The following CSMD1 variants were observed in gnomAD, a reference collection of about 807,000 sequenced individuals.
CSMD1 encodes CUB and sushi domain-containing protein 1.
CSMD1 carries 213 observed loss-of-function variants against 417.5 expected under a neutral mutation model. The observed-to-expected ratio is 0.51, with a 90% CI of 0.46 to 0.57. The LOEUF (loss-of-function observed/expected upper bound fraction) is 0.57, where lower values mean the gene tolerates loss of function less well. CSMD1 is among the 20% of genes least tolerant of loss of function. The pLI, the probability that CSMD1 is intolerant of heterozygous loss-of-function variation, is 0.00. For missense variants in CSMD1, 6,923 were observed against 4,529.7 expected (o/e 1.53, Z -15.17); for synonymous variants, 2,862 against 1,736.8 (o/e 1.65, Z -16.11).
At chr8:3,677,343 T>G (rs2117579562) in intron 7 of CSMD1, among the ~76,000 whole-genome samples, 1 of 152,272 alleles carries the variant, frequency 6.6e-6, no homozygotes, top group South Asian at 2.1e-4. Flanking sequence ...CTTTTAAAAG[T>G]AATTCTTGAA....
At chr8:4,654,708 T>C (rs1804121221) in intron 1 of CSMD1, among the ~76,000 whole-genome samples, 1 of 152,134 alleles carries the variant, frequency 6.6e-6, no homozygotes, top group Non-Finnish European at 1.5e-5. Context: ...GTGGAAGAGG[T>C]GTCTTATTTC....
chr8:4,719,538 T>G (rs1426154280), intron 1 of CSMD1, among the ~76,000 whole-genome samples: 1 of 140,332 alleles, frequency 7.1e-6, no homozygotes, highest in Non-Finnish European at 1.5e-5. Context: ...AAAAAAAATC[T>G]TCACAACAAA....
intron 5 of CSMD1, among the ~76,000 whole-genome samples, chr8:3,779,605 T>C (rs1437645005): frequency 2.0e-5 from 3 of 152,224 alleles, no homozygotes; most frequent in African/African-American, 7.2e-5. Context: ...AACCGGGTAT[T>C]TTAATAAAAT....
intron 5 of CSMD1, among the ~76,000 whole-genome samples, chr8:3,952,439 C>T (rs1449204476): frequency 5.3e-5 from 8 of 152,134 alleles, no homozygotes. Context: ...TAATTATTTT[C>T]ATAAATTAAT....
intron 5 of CSMD1, among the ~76,000 whole-genome samples, chr8:3,963,138 G>C (rs1009691463): frequency 6.6e-6 from 1 of 152,024 alleles, no homozygotes; most frequent in Non-Finnish European, 1.5e-5. Context: ...TACCATGTTG[G>C]CTAGGCTTGA....
At chr8:3,210,215 A>G (rs1182017519) in intron 30 of CSMD1, among the ~76,000 whole-genome samples, 1 of 152,166 alleles carries the variant, frequency 6.6e-6, no homozygotes, top group Non-Finnish European at 1.5e-5. Context: ...TCCAAGATGC[A>G]CTACAGGAGA....
chr8:4,632,668 G>A (rs962196620), intron 2 of CSMD1, among the ~76,000 whole-genome samples: 3 of 152,198 alleles, frequency 2.0e-5, no homozygotes, highest in Non-Finnish European at 2.9e-5. Flanking sequence ...GGTAACTTCA[G>A]GGCAGGTGTG....
At chr8:3,006,712 C>T (rs1436577153) in intron 52 of CSMD1, among the ~76,000 whole-genome samples, 1 of 151,516 alleles carries the variant, frequency 6.6e-6, no homozygotes, top group South Asian at 2.1e-4. Context: ...GGAAAACTGG[C>T]TAGCCATATG....
chr8:3,739,481 A>G (rs866936265), intron 6 of CSMD1, among the ~76,000 whole-genome samples: 1 of 152,222 alleles, frequency 6.6e-6, no homozygotes. Flanking sequence ...ATCACTACAC[A>G]TATTATGTTT....
chr8:3,508,767 G>A (rs1193300177), intron 10 of CSMD1, among the ~76,000 whole-genome samples: 1 of 152,068 alleles, frequency 6.6e-6, no homozygotes, highest in African/African-American at 2.4e-5. Flanking sequence ...ACCGAATAGA[G>A]GACAGAACGC....
chr8:3,893,696 G>A (rs768889641), intron 5 of CSMD1, among the ~76,000 whole-genome samples: 23 of 151,832 alleles, frequency 1.5e-4, no homozygotes, highest in Non-Finnish European at 3.2e-4. Flanking sequence ...AACAACCGCA[G>A]CAACCGTGGT....
intron 23 of CSMD1, among the ~76,000 whole-genome samples, chr8:3,324,749 A>C (rs182306918): frequency 0.046 from 7,061 of 151,862 alleles, 358 homozygotes; most frequent in East Asian, 0.21. Context: ...CGTTTCCTTC[A>C]CCCCACCTTC....
At chr8:4,421,124 A>ATGAC (rs1797228107) in intron 2 of CSMD1, among the ~76,000 whole-genome samples, 1 of 149,772 alleles carries the variant, frequency 6.7e-6, no homozygotes, top group South Asian at 2.1e-4. Context: ...GAAGGAGTAA[A>ATGAC]TGACTGATGA....
chr8:4,515,525 C>A (rs1212757101), intron 2 of CSMD1, among the ~76,000 whole-genome samples: 1 of 152,164 alleles, frequency 6.6e-6, no homozygotes, highest in African/African-American at 2.4e-5. Context: ...TTAAAAACTT[C>A]ATACAGTTAT....
At chr8:3,892,270 G>A (rs1465971726) in intron 5 of CSMD1, among the ~76,000 whole-genome samples, 1 of 152,122 alleles carries the variant, frequency 6.6e-6, no homozygotes, top group South Asian at 2.1e-4. Context: ...CAATAATCCA[G>A]CACAAAGAAC....
At chr8:4,322,331 G>A (rs1015841372) in intron 3 of CSMD1, among the ~76,000 whole-genome samples, 2 of 148,752 alleles carry the variant, frequency 1.3e-5, no homozygotes, top group African/African-American at 4.9e-5. Context: ...ACTTTTTTTT[G>A]CAACAATCTG....
Position 4,994,440 on chromosome 8 carries a change from G to A in CSMD1, c.-24C>T, listed in dbSNP as rs1432577927. Reference sequence around the variant, plus strand: ...ATGTCTGCAGATACTCCACACGCACGCGACACCGATGGCTCCTCCGAGGAA... The same window carrying A: ...ATGTCTGCAGATACTCCACACGCACACGACACCGATGGCTCCTCCGAGGAA... On this transcript the variant is annotated 5_prime_UTR_variant, in exon 1 of 70. Transcript: ENST00000635120. 6.3e-7 allele frequency: 1 copy of A among 1,599,050 alleles called. No homozygotes were observed. Among genetic ancestry groups the A allele is most frequent in the South Asian group, 1.1e-5 (1 of 90,716 alleles).
At chr8:4,672,088 G>A (rs375087194) in intron 1 of CSMD1, among the ~76,000 whole-genome samples, 5 of 152,116 alleles carry the variant, frequency 3.3e-5, no homozygotes, top group South Asian at 2.1e-4. Flanking sequence ...TTAAGAATTC[G>A]GCTTTCTACA....
intron 33 of CSMD1, among the ~76,000 whole-genome samples, chr8:3,199,444 GA>G (rs1796872775): frequency 1.3e-5 from 2 of 152,134 alleles, no homozygotes; most frequent in Admixed American, 1.3e-4. Flanking sequence ...AAGAGCTACA[GA>G]AAGGTAATAT....
Sources: gnomAD v4.1 joint callset for allele counts (sites outside exome capture counted in the v4.1 genomes callset) on GRCh38, gnomAD v4.1.1 for gene constraint, MANE v1.5 for transcripts, NCBI Gene and HGNC (gene_info 2026-07-23, HGNC 2026-07-21) for gene names.